Variants in ANAPC11 observed in about 807,000 individuals in gnomAD.
ANAPC11 encodes the protein anaphase promoting complex subunit 11, also known as anaphase-promoting complex subunit 11.
ANAPC11 carries 5 observed loss-of-function variants against 11.8 expected under a neutral mutation model. The observed-to-expected ratio is 0.42, with a 90% confidence interval of 0.22 to 0.89. The LOEUF (loss-of-function observed/expected upper bound fraction) is 0.89, where lower values mean the gene tolerates loss of function less well. Ranked by LOEUF, ANAPC11 falls within the 40% of genes least tolerant of loss-of-function variation. ANAPC11 has a pLI of 0.28. For missense variants in ANAPC11, 68 were observed against 112.9 expected, an observed-to-expected ratio of 0.60 and a Z score of 1.80; for synonymous variants, 45 against 41.0, an observed-to-expected ratio of 1.10 and a Z score of -0.38.
intron 3 of ANAPC11, among the ~76,000 whole-genome samples, chr17:81,896,385 G>A (rs2039742295): frequency 6.6e-6 from 1 of 152,084 alleles, no homozygotes. Context: ...TCGCACCATT[G>A]CACTCCAGCC....
At chr17:81,900,316 A>G, downstream of ANAPC11, 2 of 575,210 alleles carry the variant, frequency 3.5e-6, no homozygotes, top group Non-Finnish European at 6.0e-6. Flanking sequence ...GTGTTTTGAT[A>G]TGAAAACTCT....
At position 81,900,085 on chromosome 17, in the gene ANAPC11, T is replaced by C. The variant is rs770357311; in HGVS notation, c.*20T>C. 3.7e-6 allele frequency: 6 copies of C among 1,611,732 alleles called. No individual in the cohort carries two copies. The highest frequency in any genetic ancestry group is 3.3e-5 in the Admixed American group (2 of 59,866). On this transcript the variant is annotated 3_prime_UTR_variant, in exon 4 of 4. Transcript: ENST00000344877. ...GAGTGAGGCCCGACCTGGCTCTCGC[T>C]GGAGGGGCATCCTGAGACTCCTTCC...
chr17:81,891,294 TCTCCGGCGCGGCCGGC>T, upstream of ANAPC11: 1 of 1,104,006 alleles, frequency 9.1e-7, no homozygotes, highest in South Asian at 4.0e-5. Context: ...CCCCTCCCAC[TCTCCGGCGCGGCCGGC>T]CTCCGCACTC....
At chr17:81,897,061 C>T (rs1312388504) in intron 3 of ANAPC11, among the ~76,000 whole-genome samples, 5 of 152,084 alleles carry the variant, frequency 3.3e-5, no homozygotes, top group African/African-American at 1.2e-4. Context: ...AGTGCAGTGG[C>T]ACGATCTTGG....
intron 2 of ANAPC11, chr17:81,894,245 TC>T (rs1297704895): frequency 3.2e-6 from 1 of 308,078 alleles, no homozygotes; most frequent in Non-Finnish European, 5.8e-6. Context: ...AGACTCTGTC[TC>T]AAAAAAAAAA....
At chr17:81,891,554 G>T, upstream of ANAPC11, 1 of 1,435,368 alleles carries the variant, frequency 7.0e-7, no homozygotes, top group Non-Finnish European at 9.1e-7. Flanking sequence ...CCATTTTGTC[G>T]GCCATGGCGG....
At chr17:81,890,823 G>GA (rs751288400), upstream of ANAPC11, 573 of 1,564,274 alleles carry the variant, frequency 3.7e-4, no homozygotes, top group African/African-American at 6.8e-4. Flanking sequence ...TGTTTTGGCT[G>GA]AAAAAAAAAC....
chr17:81,894,711 TTTTC>T, intron 3 of ANAPC11, 125 bp downstream of exon 3: 2 of 469,350 alleles, frequency 4.3e-6, no homozygotes, highest in Non-Finnish European at 7.2e-6. Context: ...CCCAGTTTCA[TTTTC>T]TTTTTTTTTT....
In ANAPC11 at chr17:81,891,739, G is replaced by A; in HGVS notation, c.-177G>A. ...GGGAGGCGCGTGCGCACTGGCGTGC[G>A]AGACTCGGCGGGCGCTGTTGAGGGA... On this transcript the variant is annotated 5_prime_UTR_variant, in exon 1 of 4. Transcript: ENST00000344877. 1.9e-6 allele frequency: 1 copy of A among 540,126 alleles called. No homozygotes were observed. The highest frequency in any genetic ancestry group is 2.6e-6 in the Non-Finnish European group (1 of 378,726). The allele number at this position is 540,126 out of a possible 1,614,324, so 33.5% of individuals were successfully genotyped here.
At chr17:81,895,117 C>T (rs145274135) in intron 3 of ANAPC11, among the ~76,000 whole-genome samples, 6,076 of 142,050 alleles carry the variant, frequency 0.043, 441 homozygotes, top group African/African-American at 0.15. Context: ...TGCAATGGCG[C>T]GATCTCGGCT....
intron 3 of ANAPC11, chr17:81,899,481 C>T (rs767922019): frequency 6.2e-7 from 1 of 1,613,902 alleles, no homozygotes; most frequent in African/African-American, 1.3e-5. Context: ...GTGCCTTGAC[C>T]ATTCATGTGA....
At chr17:81,899,282 G>C in intron 3 of ANAPC11, 2 of 1,612,724 alleles carry the variant, frequency 1.2e-6, no homozygotes, top group Non-Finnish European at 1.7e-6. Context: ...GTTTGGGCTG[G>C]TGCCCGCAGC....
intron 3 of ANAPC11, chr17:81,898,955 T>C: frequency 2.0e-6 from 1 of 492,252 alleles, no homozygotes; most frequent in South Asian, 2.6e-5. Context: ...CAGCTCTCAT[T>C]TGAAAGGGCC....
intron 3 of ANAPC11, chr17:81,899,252 T>A: frequency 6.2e-7 from 1 of 1,611,588 alleles, no homozygotes; most frequent in East Asian, 2.2e-5. Context: ...GTCCTCTCCA[T>A]GGAGAAAGCA....
At chr17:81,899,204 T>G (rs909329491) in intron 3 of ANAPC11, 72 of 1,592,204 alleles carry the variant, frequency 4.5e-5, no homozygotes, top group Non-Finnish European at 5.7e-5. Context: ...CTCATTTCTC[T>G]TGATCATGGC....
chr17:81,891,624 C>G (rs764970622), upstream of ANAPC11: 11 of 1,349,106 alleles, frequency 8.2e-6, no homozygotes, highest in Non-Finnish European at 1.9e-6. Context: ...TCACTTCCGG[C>G]GCCGCGTGAG....
rs376590482 is a variant in ANAPC11 at position 81,899,304 on chromosome 17, C to G, written c.110-616C>G. 31 of 1,613,292 alleles carry G rather than the reference C, an allele frequency of 1.9e-5. No homozygotes were observed. In the African/African-American group the frequency reaches 3.6e-4, roughly 19 times the overall value. On this transcript the variant is annotated intron_variant, in intron 3 of 3. Coordinates refer to ENST00000344877, the MANE Select transcript of ANAPC11 (RefSeq NM_001002248.3). Reference sequence around the variant, plus strand: ...CTGGTGCCCGCAGCCTGTGCCTGTCCTGGGAGGCAGGGCCCATCCACAGGT... The same window carrying G: ...CTGGTGCCCGCAGCCTGTGCCTGTCGTGGGAGGCAGGGCCCATCCACAGGT...
chr17:81,895,923 A>G (rs2039726636), intron 3 of ANAPC11, among the ~76,000 whole-genome samples: 1 of 152,094 alleles, frequency 6.6e-6, no homozygotes, highest in Non-Finnish European at 1.5e-5. Context: ...GCCAAGAGCA[A>G]GACTCCATCT....
At position 81,894,495 on chromosome 17, in the gene ANAPC11, G is replaced by T. The variant is rs763926285; in HGVS notation, c.18G>T (p.Lys6Asn). MKVKI[K>N]CWNGVATWLW... ...CTGCTGCCATGAAGGTGAAGATTAA[G>T]TGCTGGAACGGCGTGGCCACTTGGC... The change falls in exon 3 of 4, where the codon AAG (lysine) becomes AAT (asparagine). Residue 6 changes from lysine to asparagine, a missense_variant. Physicochemically the swap from Lys to Asn is moderately conservative, Grantham distance 94. Transcript: ENST00000344877. 6.2e-7 allele frequency: 1 copy of T among 1,612,754 alleles called. No individual in the cohort carries two copies. The highest frequency in any genetic ancestry group is 8.5e-7 in the Non-Finnish European group (1 of 1,179,140).
Sources: gnomAD v4.1 joint callset for allele counts (sites outside exome capture counted in the v4.1 genomes callset) on GRCh38, gnomAD v4.1.1 for gene constraint, MANE v1.5 for transcripts, NCBI Gene and HGNC (gene_info 2026-07-23, HGNC 2026-07-21) for gene names.